DNAH9: variants seen among roughly 807,000 people sequenced by gnomAD.
DNAH9 encodes the protein dynein axonemal heavy chain 9.
DNAH9 carries 345 observed loss-of-function variants against 471.6 expected under a neutral mutation model. The ratio of observed to expected loss-of-function variants is 0.73; its 90% CI spans 0.67 to 0.80. The LOEUF is 0.80. Among genes scored for constraint, DNAH9 ranks in the 30% least tolerant of loss-of-function variants. The pLI, the probability that DNAH9 is intolerant of heterozygous loss-of-function variation, is 0.00. For missense variants in DNAH9, 5,407 were observed against 5,609.2 expected (o/e 0.96, Z 1.15); for synonymous variants, 2,093 against 2,123.6 (o/e 0.99, Z 0.40).
chr17:11,934,036 C>T lies in DNAH9; in HGVS notation c.12454C>T (p.Leu4152Phe). 1 of 1,614,092 alleles carries T rather than the reference C, an allele frequency of 6.2e-7. No homozygotes were observed. The highest frequency in any genetic ancestry group is 8.5e-7 in the Non-Finnish European group (1 of 1,179,978). Residue 4152 changes from leucine to phenylalanine, a missense_variant, in exon 65 of 69, where the codon CTC becomes TTC. By Grantham distance (22) the Leu-to-Phe change is conservative. This residue lies in a region of DNAH9 where 4,636 missense variants were observed against 4,900.3 expected (regional missense o/e 0.95). Coordinates refer to ENST00000262442, the MANE Select transcript of DNAH9 (RefSeq NM_001372.4). ...ACTGTCTTTGGCCCCAGGGTTCCCACTCCCAGGCAACATGGACTACAATGG... is the reference window on the plus strand; with the variant it reads ...ACTGTCTTTGGCCCCAGGGTTCCCATTCCCAGGCAACATGGACTACAATGG... ...GELSLAPGFP[L>F]PGNMDYNGYH... is the part of the protein sequence containing the mutation.
intron 53 of DNAH9, among the ~76,000 whole-genome samples, chr17:11,876,113 C>T (rs777050943): frequency 1.3e-5 from 2 of 151,916 alleles, no homozygotes; most frequent in Non-Finnish European, 2.9e-5. Flanking sequence ...CTGGGGAGTT[C>T]GCCATTTTAA....
At chr17:11,650,906 A>T (rs1017612640) in intron 12 of DNAH9, among the ~76,000 whole-genome samples, 163 bp from the exon 13 acceptor site, 1 of 152,126 alleles carries the variant, frequency 6.6e-6, no homozygotes, top group Non-Finnish European at 1.5e-5. Flanking sequence ...CTGATACTTG[A>T]TTTTCCTTTT....
intron 45 of DNAH9, among the ~76,000 whole-genome samples, chr17:11,821,286 C>CAAAAAAAA (rs58010981): frequency 8.1e-6 from 1 of 123,896 alleles, no homozygotes; most frequent in Non-Finnish European, 1.7e-5. Flanking sequence ...AACTCTATCT[C>CAAAAAAAA]AAAAAAAAAA....
intron 53 of DNAH9, among the ~76,000 whole-genome samples, chr17:11,876,591 G>A (rs141391414): frequency 1.0e-3 from 159 of 152,344 alleles, no homozygotes; most frequent in Non-Finnish European, 9.8e-4. Flanking sequence ...CTCATCCAAG[G>A]TTCCCAGGGT....
intron 48 of DNAH9, among the ~76,000 whole-genome samples, chr17:11,831,950 C>T (rs922210437): frequency 2.0e-5 from 3 of 152,180 alleles, no homozygotes; most frequent in African/African-American, 7.2e-5. Flanking sequence ...CTACCATGGT[C>T]CCGATTCAGG....
At chr17:11,720,344 A>T (rs1050887846) in intron 27 of DNAH9, among the ~76,000 whole-genome samples, 6 of 151,886 alleles carry the variant, frequency 4.0e-5, no homozygotes, top group African/African-American at 1.4e-4. Flanking sequence ...GGTGTGCTGC[A>T]CCCATTAACT....
chr17:11,826,395 C>A (rs1043209484), intron 48 of DNAH9, among the ~76,000 whole-genome samples: 2 of 122,878 alleles, frequency 1.6e-5, no homozygotes, highest in Non-Finnish European at 3.5e-5. Context: ...TTCCTCAGTT[C>A]CCACATTTAA....
chr17:11,715,522 A>C (rs958238711), intron 26 of DNAH9, among the ~76,000 whole-genome samples: 15 of 152,198 alleles, frequency 9.9e-5, no homozygotes, highest in Non-Finnish European at 1.9e-4. Context: ...AGCACCTGAC[A>C]TGGTGAAAGA....
intron 35 of DNAH9, among the ~76,000 whole-genome samples, chr17:11,763,036 C>T (rs1967780309): frequency 1.3e-5 from 2 of 152,068 alleles, no homozygotes; most frequent in South Asian, 2.1e-4. Flanking sequence ...TCCTCAGCCT[C>T]CCAAAGTGCT....
At chr17:11,939,404 GGTGT>G (rs1017334651) in intron 66 of DNAH9, among the ~76,000 whole-genome samples, 2 of 152,182 alleles carry the variant, frequency 1.3e-5, no homozygotes, top group African/African-American at 2.4e-5. Flanking sequence ...CAAGAAATGG[GGTGT>G]GTATGTGCTT....
chr17:11,943,676 C>CA (rs540414764), intron 67 of DNAH9, among the ~76,000 whole-genome samples: 87 of 150,990 alleles, frequency 5.8e-4, no homozygotes, highest in Non-Finnish European at 9.4e-4. Flanking sequence ...GACTCCGTCT[C>CA]AAAAAAAACA....
chr17:11,688,779 C>G (rs1291206146), intron 19 of DNAH9, among the ~76,000 whole-genome samples: 1 of 152,180 alleles, frequency 6.6e-6, no homozygotes, highest in Non-Finnish European at 1.5e-5. Flanking sequence ...GGTTGGGCTC[C>G]TGAGTCCCAG....
chr17:11,641,917 G>C (rs1028190779), intron 10 of DNAH9, among the ~76,000 whole-genome samples: 2 of 152,108 alleles, frequency 1.3e-5, no homozygotes, highest in African/African-American at 4.8e-5. Context: ...GGGGGTCTCA[G>C]CTGGTCCTCC....
chr17:11,962,338 A>G lies in DNAH9; in HGVS notation c.13233+82A>G. On this transcript the variant is annotated intron_variant, in intron 68 of 68. Coordinates refer to ENST00000262442, the MANE Select transcript of DNAH9 (RefSeq NM_001372.4). The surrounding 1 kb of genome is among the most constrained non-coding windows in gnomAD (Gnocchi z 4.1). The stretch of plus-strand genomic sequence containing the variant: ...GCTTCCTATGAAGTGTGACTACTAA[A>G]AGAGATATTCCTGAATCTTTTTCTC... 1.3e-6 allele frequency: 2 copies of G among 1,488,990 alleles called. No individual in the cohort carries two copies. Among genetic ancestry groups the G allele is most frequent in the Non-Finnish European group, 1.8e-6 (2 of 1,125,390 alleles). The allele number at this position is 1,488,990 out of a possible 1,614,324, so 92.2% of individuals were successfully genotyped here.
intron 50 of DNAH9, among the ~76,000 whole-genome samples, chr17:11,864,249 A>T (rs1597753485): frequency 6.7e-6 from 1 of 149,852 alleles, no homozygotes; most frequent in African/African-American, 2.5e-5. Flanking sequence ...TTCAAAGAAC[A>T]TCTTTATTTC....
chr17:11,639,496 G>A (rs1198521932), intron 9 of DNAH9, among the ~76,000 whole-genome samples: 1 of 152,296 alleles, frequency 6.6e-6, no homozygotes, highest in South Asian at 2.1e-4. Context: ...TATCTAGTCT[G>A]TGCTGACTCG....
chr17:11,960,439 A>C (rs1241786550), intron 67 of DNAH9, among the ~76,000 whole-genome samples: 1 of 105,832 alleles, frequency 9.4e-6, no homozygotes, highest in Non-Finnish European at 2.1e-5. Context: ...CTGTCTTAAA[A>C]AAAAAAAAAA....
At chr17:11,689,508 T>C in intron 19 of DNAH9, 58 bp from the exon 20 acceptor site, 1 of 1,451,298 alleles carries the variant, frequency 6.9e-7, no homozygotes, top group Non-Finnish European at 9.4e-7. Context: ...ACCTTAGAGA[T>C]GCTAGGAGAT....
At chr17:11,667,877 G>A (rs2073900670) in intron 15 of DNAH9, among the ~76,000 whole-genome samples, 1 of 152,190 alleles carries the variant, frequency 6.6e-6, no homozygotes, top group Non-Finnish European at 1.5e-5. Flanking sequence ...TGCAAGCAAG[G>A]CTGGGAAATC....
Sources: allele counts gnomAD v4.1 joint callset (sites outside exome capture counted in the v4.1 genomes callset), GRCh38; gene constraint gnomAD v4.1.1; regional missense constraint gnomAD v4.1.1; non-coding constraint Gnocchi (gnomAD v3.1); transcripts MANE v1.5; gene names NCBI Gene and HGNC (gene_info 2026-07-23, HGNC 2026-07-21).